EFCAB11: variants seen among roughly 807,000 people sequenced by gnomAD.
EFCAB11 encodes the protein EF-hand calcium-binding domain-containing protein 11.
In EFCAB11, 14 loss-of-function variants were observed where a neutral mutation model predicts 23.0. The ratio of observed to expected loss-of-function variants is 0.61; its 90% CI spans 0.40 to 0.95. The LOEUF (loss-of-function observed/expected upper bound fraction) is 0.95. Ranked by LOEUF, EFCAB11 falls within the 40% of genes least tolerant of loss-of-function variation. EFCAB11 has a pLI of 0.00. For missense variants in EFCAB11, 198 were observed against 195.8 expected (o/e 1.01, Z -0.07); for synonymous variants, 65 against 66.6 (o/e 0.98, Z 0.11).
At chr14:89,941,800 AG>A (rs1490048259) in intron 3 of EFCAB11, among the ~76,000 whole-genome samples, 4 of 151,802 alleles carry the variant, frequency 2.6e-5, no homozygotes, top group African/African-American at 4.8e-5. Context: ...CTAAGGTGGG[AG>A]GATCACTTGA....
At chr14:89,939,848 C>T (rs1015347164) in intron 3 of EFCAB11, among the ~76,000 whole-genome samples, 3 of 152,282 alleles carry the variant, frequency 2.0e-5, no homozygotes, top group Middle Eastern at 3.4e-3. Context: ...AAGCAATTCT[C>T]CTGCCTCAGC....
intron 5 of EFCAB11, among the ~76,000 whole-genome samples, chr14:89,925,268 G>A (rs1167032900): frequency 2.0e-5 from 3 of 152,180 alleles, no homozygotes; most frequent in African/African-American, 7.2e-5. Flanking sequence ...AGTTTGAAAA[G>A]GGGACCAGAT....
intron 5 of EFCAB11, among the ~76,000 whole-genome samples, chr14:89,898,116 G>T (rs1427464530): frequency 6.6e-6 from 1 of 152,116 alleles, no homozygotes; most frequent in East Asian, 1.9e-4. Context: ...CCATTACAAT[G>T]GAAAACACAC....
At chr14:89,917,462 C>T (rs1285373250) in intron 5 of EFCAB11, among the ~76,000 whole-genome samples, 1 of 152,190 alleles carries the variant, frequency 6.6e-6, no homozygotes, top group Non-Finnish European at 1.5e-5. Flanking sequence ...GCTGTACACA[C>T]ATACCACAAT....
intron 5 of EFCAB11, among the ~76,000 whole-genome samples, chr14:89,897,230 T>C (rs1007812912): frequency 4.2e-5 from 6 of 144,394 alleles, no homozygotes; most frequent in Admixed American, 6.9e-5. Context: ...TTTTTTGAGA[T>C]GGAGTCTTGC....
intron 5 of EFCAB11, among the ~76,000 whole-genome samples, chr14:89,816,205 T>A (rs1293483891): frequency 6.6e-6 from 1 of 152,212 alleles, no homozygotes; most frequent in Non-Finnish European, 1.5e-5. Context: ...TTGGCATATA[T>A]AAATGGTACT....
chr14:89,807,971 G>C (rs1886024677), intron 5 of EFCAB11, among the ~76,000 whole-genome samples: 1 of 152,138 alleles, frequency 6.6e-6, no homozygotes, highest in Non-Finnish European at 1.5e-5. Flanking sequence ...AAAATCAAAT[G>C]AGGCAATTCA....
chr14:89,885,693 A>G (rs901782338), intron 5 of EFCAB11, among the ~76,000 whole-genome samples: 2 of 147,636 alleles, frequency 1.4e-5, no homozygotes, highest in Admixed American at 6.7e-5. Flanking sequence ...AAAAGAGAGA[A>G]AGAGAGAGAA....
At chr14:89,901,191 T>C (rs932917998) in intron 5 of EFCAB11, among the ~76,000 whole-genome samples, 2 of 152,214 alleles carry the variant, frequency 1.3e-5, no homozygotes, top group Admixed American at 6.5e-5. Flanking sequence ...TGATAAACAC[T>C]TCTTGGTGTG....
chr14:89,796,881 C>T lies in EFCAB11; in HGVS notation c.*362G>A, dbSNP rs1885592558. The T allele has an allele frequency of 5.6e-6, 1 of 177,626 alleles. No homozygotes were observed. The highest frequency in any genetic ancestry group is 2.4e-5 in the African/African-American group (1 of 42,242). The allele number at this position is 177,626 out of a possible 1,614,324, so 11.0% of individuals were successfully genotyped here. A position where few individuals can be genotyped will look rare whatever the true frequency, so the allele number is the denominator to read the frequency against. ...AGAAGAGTGAGGAGGAGGAGGACCA[C>T]CAGTGCCATCCCTAGCCCCAGCTCT... On this transcript the variant is annotated 3_prime_UTR_variant, in exon 6 of 6. Transcript: ENST00000316738.
intron 5 of EFCAB11, among the ~76,000 whole-genome samples, chr14:89,871,977 G>C (rs1888285251): frequency 6.6e-6 from 1 of 152,176 alleles, no homozygotes; most frequent in African/African-American, 2.4e-5. Flanking sequence ...GCTCCGATTT[G>C]GGAAGGCTAG....
intron 5 of EFCAB11, among the ~76,000 whole-genome samples, chr14:89,921,063 T>TAAAAAAA (rs199585363): frequency 1.8e-5 from 2 of 111,570 alleles, no homozygotes; most frequent in Admixed American, 8.3e-5. Flanking sequence ...AGACTCTGTC[T>TAAAAAAA]AAAAAAAAAA....
chr14:89,804,829 G>C (rs886633519), intron 5 of EFCAB11, among the ~76,000 whole-genome samples: 6 of 151,872 alleles, frequency 4.0e-5, no homozygotes, highest in African/African-American at 1.5e-4. Context: ...AAATGCCAGG[G>C]TTAACCAGAA....
At chr14:89,819,258 A>ATTT (rs1886429858) in intron 5 of EFCAB11, among the ~76,000 whole-genome samples, 1 of 152,172 alleles carries the variant, frequency 6.6e-6, no homozygotes, top group Non-Finnish European at 1.5e-5. Flanking sequence ...AAACAAGTAC[A>ATTT]TATTATATGA....
intron 5 of EFCAB11, among the ~76,000 whole-genome samples, chr14:89,809,467 G>A (rs189182246): frequency 2.6e-5 from 4 of 152,186 alleles, no homozygotes; most frequent in East Asian, 1.9e-4. Context: ...CATTGATTAC[G>A]GAGCATTTCA....
chr14:89,848,460 T>C (rs1331129888), intron 5 of EFCAB11: 1 of 152,182 alleles, frequency 6.6e-6, no homozygotes, highest in Non-Finnish European at 1.5e-5. Context: ...GTGACATTAC[T>C]GAAAAGATGG....
intron 5 of EFCAB11, among the ~76,000 whole-genome samples, chr14:89,828,619 T>C (rs994225830): frequency 6.6e-6 from 1 of 152,188 alleles, no homozygotes; most frequent in African/African-American, 2.4e-5. Context: ...TATGAAGCAA[T>C]GAGACCATCA....
intron 3 of EFCAB11, among the ~76,000 whole-genome samples, chr14:89,937,371 A>G (rs1181319017): frequency 6.6e-6 from 1 of 152,184 alleles, no homozygotes; most frequent in Non-Finnish European, 1.5e-5. Context: ...CAAAGGATCT[A>G]GGATTGAGGT....
intron 5 of EFCAB11, among the ~76,000 whole-genome samples, chr14:89,874,792 T>C (rs757267207): frequency 2.0e-5 from 3 of 151,830 alleles, no homozygotes; most frequent in African/African-American, 2.4e-5. Flanking sequence ...CTCGGGAGGC[T>C]GAGGCAAGAG....
Sources: allele counts gnomAD v4.1 joint callset (sites outside exome capture counted in the v4.1 genomes callset), GRCh38; gene constraint gnomAD v4.1.1; transcripts MANE v1.5; gene names NCBI Gene and HGNC (gene_info 2026-07-23, HGNC 2026-07-21).